The following PRKCB variants were observed in gnomAD, a reference collection of about 807,000 sequenced individuals.
PRKCB encodes the protein protein kinase C beta.
In PRKCB, 13 loss-of-function variants were observed where a neutral mutation model predicts 81.5. The observed-to-expected ratio is 0.16, with a 90% confidence interval of 0.10 to 0.25. The LOEUF (loss-of-function observed/expected upper bound fraction) is 0.25, where lower values mean the gene tolerates loss of function less well. Ranked by LOEUF, PRKCB falls within the 10% of genes least tolerant of loss-of-function variation. The probability of loss-of-function intolerance (pLI) is 1.00; values close to 1 mark genes in which losing one functional copy is unlikely to be tolerated. For missense variants in PRKCB, 509 were observed against 875.7 expected (o/e 0.58, Z 5.29); for synonymous variants, 335 against 321.4 (o/e 1.04, Z -0.45).
At chr16:23,863,102 T>C (rs1184447838) in intron 2 of PRKCB, among the ~76,000 whole-genome samples, 1 of 148,024 alleles carries the variant, frequency 6.8e-6, no homozygotes, top group East Asian at 1.9e-4. Context: ...TTATATAATA[T>C]ATAACATATA....
At chr16:24,179,168 G>C (rs1276631246) in intron 12 of PRKCB, among the ~76,000 whole-genome samples, 1 of 152,196 alleles carries the variant, frequency 6.6e-6, no homozygotes, top group Non-Finnish European at 1.5e-5. Flanking sequence ...GATTGGCCCA[G>C]ATTGGATCAC....
At chr16:23,912,833 T>A (rs1282279915) in intron 2 of PRKCB, among the ~76,000 whole-genome samples, 2 of 150,148 alleles carry the variant, frequency 1.3e-5, no homozygotes, top group Non-Finnish European at 3.0e-5. Context: ...TATTTATTTA[T>A]TTATTTTTTG....
At chr16:23,921,109 T>C (rs1963818655) in intron 2 of PRKCB, among the ~76,000 whole-genome samples, 4 of 152,160 alleles carry the variant, frequency 2.6e-5, no homozygotes, top group Non-Finnish European at 4.4e-5. Flanking sequence ...CATGATTCAG[T>C]TATTTCCACC....
chr16:23,916,559 C>G (rs1390313381), intron 2 of PRKCB, among the ~76,000 whole-genome samples: 3 of 152,154 alleles, frequency 2.0e-5, no homozygotes, highest in Non-Finnish European at 4.4e-5. Context: ...CTGTTCACCT[C>G]CTTTTTGGCA....
Position 23,850,912 on chromosome 16 carries a change from G to A in PRKCB, c.205+13506G>A, listed in dbSNP as rs1962461838. ...TTTCAAGTACCTATTGGCCATTTGT[G>A]TGTCTTCTTTTGAGTAATTTCTGTT... On this transcript the variant is annotated intron_variant, in intron 2 of 16. Coordinates refer to ENST00000643927, the MANE Select transcript of PRKCB (RefSeq NM_002738.7). 1.3e-5 allele frequency among the ~76,000 whole-genome samples: 2 copies of A among 152,242 alleles called. 1 individual carries two copies. Among genetic ancestry groups the A allele is most frequent in the Admixed American group, 1.3e-4 (2 of 15,294 alleles).
chr16:24,188,069 T>C (rs1334097875), intron 15 of PRKCB, among the ~76,000 whole-genome samples: 1 of 152,136 alleles, frequency 6.6e-6, no homozygotes, highest in Non-Finnish European at 1.5e-5. Flanking sequence ...TCTAAATGGG[T>C]CATGGAGGAA....
chr16:24,181,258 T>C (rs1967617515), intron 13 of PRKCB, among the ~76,000 whole-genome samples: 2 of 152,164 alleles, frequency 1.3e-5, no homozygotes, highest in East Asian at 1.9e-4. Context: ...TTGAAATGTT[T>C]GTTGAGAGAA....
intron 2 of PRKCB, among the ~76,000 whole-genome samples, chr16:23,958,581 G>T (rs184357367): frequency 6.6e-5 from 10 of 152,266 alleles, no homozygotes; most frequent in African/African-American, 2.4e-4. Context: ...GGGATTACAG[G>T]TGTGAGCCAC....
At chr16:24,080,231 A>G (rs1966231609) in intron 5 of PRKCB, among the ~76,000 whole-genome samples, 1 of 152,218 alleles carries the variant, frequency 6.6e-6, no homozygotes, top group Non-Finnish European at 1.5e-5. Flanking sequence ...GCTGCTGTTT[A>G]TGAATCACTC....
At chr16:23,988,053 C>G (rs1451538355) in intron 2 of PRKCB, among the ~76,000 whole-genome samples, 2 of 152,146 alleles carry the variant, frequency 1.3e-5, no homozygotes, top group Non-Finnish European at 2.9e-5. Flanking sequence ...CATCCTGTCC[C>G]CTCTGTTTCC....
chr16:24,180,695 A>AC, intron 12 of PRKCB, 95 bp from the exon 13 acceptor site: 1 of 1,454,878 alleles, frequency 6.9e-7, no homozygotes, highest in South Asian at 1.3e-5. Context: ...CCCACACAAC[A>AC]CCTAACACAG....
chr16:24,000,626 C>T (rs1965020620), intron 3 of PRKCB, among the ~76,000 whole-genome samples: 1 of 152,144 alleles, frequency 6.6e-6, no homozygotes, highest in Admixed American at 6.5e-5. Context: ...AATTTCAAAG[C>T]CCTTACATGA....
chr16:23,900,578 A>G (rs1368555785), intron 2 of PRKCB, among the ~76,000 whole-genome samples: 1 of 151,194 alleles, frequency 6.6e-6, no homozygotes, highest in African/African-American at 2.4e-5. Flanking sequence ...CATTCCGCAT[A>G]TGAACCTTAT....
intron 2 of PRKCB, among the ~76,000 whole-genome samples, chr16:23,920,241 A>C (rs1963804359): frequency 6.6e-6 from 1 of 152,166 alleles, no homozygotes; most frequent in Non-Finnish European, 1.5e-5. Flanking sequence ...GCATTTTGCT[A>C]ATGAGTGATG....
intron 2 of PRKCB, among the ~76,000 whole-genome samples, chr16:23,933,218 G>A (rs943524614): frequency 2.6e-5 from 4 of 152,166 alleles, no homozygotes; most frequent in African/African-American, 9.7e-5. Context: ...CTTTCTTCCT[G>A]CTCTGGAGGC....
intron 3 of PRKCB, among the ~76,000 whole-genome samples, chr16:24,010,676 T>A (rs1965191679): frequency 6.6e-6 from 1 of 152,178 alleles, no homozygotes; most frequent in African/African-American, 2.4e-5. Flanking sequence ...TTTAGCACCC[T>A]CTTCGTGTCC....
At chr16:23,868,120 C>A (rs1190565918) in intron 2 of PRKCB, among the ~76,000 whole-genome samples, 1 of 152,144 alleles carries the variant, frequency 6.6e-6, no homozygotes, top group Non-Finnish European at 1.5e-5. Flanking sequence ...GCTGAAAAAA[C>A]CAATGTAGCC....
intron 5 of PRKCB, among the ~76,000 whole-genome samples, chr16:24,088,462 C>T (rs943329805): frequency 6.6e-6 from 1 of 152,156 alleles, no homozygotes; most frequent in African/African-American, 2.4e-5. Flanking sequence ...CACAGTGGCT[C>T]ACACCTGTAA....
chr16:24,021,290 C>T (rs1278909970), intron 3 of PRKCB, among the ~76,000 whole-genome samples: 21 of 59,608 alleles, frequency 3.5e-4, no homozygotes, highest in South Asian at 7.5e-4. Flanking sequence ...TCTCCCTCTC[C>T]CTCCCTTCCT....
Sources: allele counts gnomAD v4.1 joint callset (sites outside exome capture counted in the v4.1 genomes callset), GRCh38; gene constraint gnomAD v4.1.1; transcripts MANE v1.5; gene names NCBI Gene and HGNC (gene_info 2026-07-23, HGNC 2026-07-21).